Variants in JMJD1C observed in about 807,000 individuals in gnomAD.
JMJD1C encodes the protein jumonji domain containing 1C, also known as jumonji domain-containing protein 1C.
JMJD1C carries 31 observed loss-of-function variants against 245.3 expected under a neutral mutation model. That is an observed-to-expected ratio of 0.13 (90% CI 0.09 to 0.17). JMJD1C has a LOEUF of 0.17. JMJD1C is among the 10% of genes least tolerant of loss of function. The pLI is 1.00. For synonymous variants in JMJD1C, 1,057 were observed against 1,017.4 expected, an observed-to-expected ratio of 1.04 and a Z score of -0.74; for missense variants, 2,691 against 3,000.2, an observed-to-expected ratio of 0.90 and a Z score of 2.41.
chr10:63,185,704 TTTA>T (rs1187585603), intron 19 of JMJD1C, 51 bp from the exon 20 acceptor site: 1 of 991,852 alleles, frequency 1.0e-6, no homozygotes, highest in Non-Finnish European at 1.6e-6. Context: ...CCTTTTTATC[TTTA>T]TTAACATTTG....
In JMJD1C at chr10:63,208,115, C is replaced by T; in HGVS notation, c.3554G>A (p.Ser1185Asn). ...SVTTFRNDCR[S>N]PTHLTVSSTN... Reference sequence around the variant, plus strand: ...AGAAGAAACTGTCAAATGGGTAGGACTCCTACAATCATTTCTGAAGGTTGT... The same window carrying T: ...AGAAGAAACTGTCAAATGGGTAGGATTCCTACAATCATTTCTGAAGGTTGT... Residue 1185 changes from serine (S) to asparagine (N), a missense_variant, in exon 10 of 26, where the codon AGT (serine) becomes AAT (asparagine). Around this residue, in one of 9 missense-constraint regions of JMJD1C, gnomAD observed 1,562 missense variants for 1,490.7 expected, o/e 1.05. Coordinates refer to ENST00000399262, the MANE Select transcript of JMJD1C (RefSeq NM_032776.3). 1 of 1,614,166 alleles carries T rather than the reference C, an allele frequency of 6.2e-7. No homozygotes were observed. The highest frequency in any genetic ancestry group is 8.5e-7 in the Non-Finnish European group (1 of 1,180,010).
intron 1 of JMJD1C, among the ~76,000 whole-genome samples, chr10:63,388,059 A>G (rs1289070289): frequency 6.6e-6 from 1 of 152,212 alleles, no homozygotes; most frequent in African/African-American, 2.4e-5. Flanking sequence ...TTGAAGGGCT[A>G]GAAAGTCTGT....
At chr10:63,496,933 G>C (rs1200011123) in intron 1 of JMJD1C, among the ~76,000 whole-genome samples, 1 of 152,134 alleles carries the variant, frequency 6.6e-6, no homozygotes, top group Non-Finnish European at 1.5e-5. Flanking sequence ...TCCTTAGTCT[G>C]AATACTGGAT....
At chr10:63,322,615 C>A (rs1374011445) in intron 2 of JMJD1C, among the ~76,000 whole-genome samples, 2 of 151,890 alleles carry the variant, frequency 1.3e-5, no homozygotes, top group African/African-American at 2.4e-5. Context: ...GAGTTCAAGA[C>A]CAGCCTGACC....
intron 18 of JMJD1C, 50 bp from the exon 19 acceptor site, chr10:63,186,433 T>TTTTG (rs371310737): frequency 9.9e-5 from 141 of 1,431,412 alleles, no homozygotes; most frequent in Middle Eastern, 4.7e-4. Context: ...AGACTTTCTT[T>TTTTG]TTTGTTTGTT....
chr10:63,303,336 C>T (rs1002333793), intron 2 of JMJD1C, among the ~76,000 whole-genome samples: 1 of 152,120 alleles, frequency 6.6e-6, no homozygotes, highest in Non-Finnish European at 1.5e-5. Flanking sequence ...GACGGAGTCT[C>T]GCTCTGTCGC....
rs769579341 is a variant in JMJD1C, at chr10:63,465,481, G to A, written c.168+14C>T. 1.9e-6 allele frequency: 3 copies of A among 1,587,214 alleles called. No homozygotes were observed. The highest frequency in any genetic ancestry group is 1.1e-5 in the South Asian group (1 of 88,510). On this transcript the variant is annotated intron_variant, in intron 1 of 25. Transcript: ENST00000399262. Reference sequence around the variant, plus strand: ...GGGCGCGGCAGGGGAAAAGGGGGGCGCTGACTCTCTTACCGCCAGGTCCGG... The same window carrying A: ...GGGCGCGGCAGGGGAAAAGGGGGGCACTGACTCTCTTACCGCCAGGTCCGG...
At chr10:63,240,807 A>G (rs1465246707) in intron 3 of JMJD1C, among the ~76,000 whole-genome samples, 1 of 152,202 alleles carries the variant, frequency 6.6e-6, no homozygotes, top group East Asian at 1.9e-4. Flanking sequence ...TTTTTAAAAC[A>G]TAAGGCAGAG....
chr10:63,302,520 A>C (rs1860224744), intron 2 of JMJD1C, among the ~76,000 whole-genome samples: 1 of 152,238 alleles, frequency 6.6e-6, no homozygotes, highest in Non-Finnish European at 1.5e-5. Context: ...CATTTATAAG[A>C]GGCAAGTTGT....
Position 63,184,593 on chromosome 10 carries a change from T to C in JMJD1C, c.6961+15A>G. 2 of 1,575,046 alleles carry C rather than the reference T, an allele frequency of 1.3e-6. No individual in the cohort carries two copies. The highest frequency in any genetic ancestry group is 1.7e-6 in the Non-Finnish European group (2 of 1,167,248). On this transcript the variant is annotated intron_variant, in intron 21 of 25. Coordinates refer to ENST00000399262, the MANE Select transcript of JMJD1C (RefSeq NM_032776.3). ...ATATAATTCCTACATGGGAGAAATG[T>C]GAATATATACCTACCATAGGCACTG... is the stretch of plus-strand genomic sequence containing the variant.
intron 1 of JMJD1C, among the ~76,000 whole-genome samples, chr10:63,421,241 G>A (rs1351641021): frequency 4.6e-5 from 7 of 152,206 alleles, no homozygotes; most frequent in Admixed American, 4.6e-4. Context: ...GGCTGAGGCA[G>A]GAGAATTGCT....
At chr10:63,265,475 C>T (rs538088111) in intron 2 of JMJD1C, among the ~76,000 whole-genome samples, 3 of 151,998 alleles carry the variant, frequency 2.0e-5, no homozygotes, top group Admixed American at 2.0e-4. Flanking sequence ...AGATTTAACT[C>T]GTATCTTGGG....
chr10:63,192,355 AAGTCAGGAGTT>A (rs1481257172), intron 16 of JMJD1C, among the ~76,000 whole-genome samples: 2 of 151,788 alleles, frequency 1.3e-5, no homozygotes, highest in African/African-American at 4.8e-5. Context: ...GGATTACCCG[AAGTCAGGAGTT>A]TGAGACCAGC....
chr10:63,485,821 C>T (rs1197447878), intron 1 of JMJD1C, among the ~76,000 whole-genome samples: 1 of 152,146 alleles, frequency 6.6e-6, no homozygotes, highest in East Asian at 1.9e-4. Context: ...AAAGGGCCTA[C>T]TGTATGCCAG....
At chr10:63,440,349 A>T (rs1478679222) in intron 1 of JMJD1C, among the ~76,000 whole-genome samples, 1,122 of 63,220 alleles carry the variant, frequency 0.018, 15 homozygotes, top group African/African-American at 0.044. Context: ...AGAAAAAAAA[A>T]AAAAATATAT....
chr10:63,267,725 T>G (rs527822372), intron 2 of JMJD1C, among the ~76,000 whole-genome samples: 1 of 152,314 alleles, frequency 6.6e-6, no homozygotes, highest in South Asian at 2.1e-4. Flanking sequence ...AAAATGCTTT[T>G]TCAATTTTAT....
intron 2 of JMJD1C, among the ~76,000 whole-genome samples, chr10:63,378,331 C>A (rs1589623756): frequency 6.6e-6 from 1 of 152,202 alleles, no homozygotes; most frequent in South Asian, 2.1e-4. Flanking sequence ...GTGGCTCAGA[C>A]CTGTAATCCC....
intron 1 of JMJD1C, among the ~76,000 whole-genome samples, chr10:63,471,492 A>C (rs1198521288): frequency 6.6e-6 from 1 of 152,226 alleles, no homozygotes; most frequent in Admixed American, 6.5e-5. Flanking sequence ...AACCCCCAAA[A>C]TGTTAAAGGA....
rs1216806116 is a variant in JMJD1C, at chr10:63,392,878, AC to A, written c.169-12397del. ...CAAAAAAGTACATAAACACACACAC[AC>A]ACACACACACACACACACACACACA... On this transcript the variant is annotated intron_variant, in intron 1 of 25. Coordinates refer to ENST00000399262, the MANE Select transcript of JMJD1C (RefSeq NM_032776.3). Among the ~76,000 whole-genome samples, 503 of 145,380 alleles carry A rather than the reference AC, an allele frequency of 3.5e-3. 4 individuals are homozygous for A. The highest frequency in any genetic ancestry group is 6.3e-3 in the Admixed American group (92 of 14,518).
Sources: allele counts gnomAD v4.1 joint callset (sites outside exome capture counted in the v4.1 genomes callset), GRCh38; gene constraint gnomAD v4.1.1; regional missense constraint gnomAD v4.1.1; transcripts MANE v1.5; gene names NCBI Gene and HGNC (gene_info 2026-07-23, HGNC 2026-07-21).